The following PIP5K1B variants were observed in gnomAD, a reference collection of about 807,000 sequenced individuals.
The protein encoded by PIP5K1B is phosphatidylinositol-4-phosphate 5-kinase type 1 beta.
A neutral mutation model predicts 67.0 loss-of-function variants in PIP5K1B; 42 were observed. That is an observed-to-expected ratio of 0.63 (90% CI 0.49 to 0.81). PIP5K1B has a LOEUF of 0.81. Among genes scored for constraint, PIP5K1B ranks in the 30% least tolerant of loss-of-function variants. PIP5K1B has a pLI of 0.00. For synonymous variants in PIP5K1B, 214 were observed against 231.4 expected, an observed-to-expected ratio of 0.92 and a Z score of 0.68; for missense variants, 459 against 646.3, an observed-to-expected ratio of 0.71 and a Z score of 3.14.
intron 14 of PIP5K1B, 80 bp downstream of exon 14, chr9:68,940,870 G>T (rs1030474628): frequency 4.8e-5 from 62 of 1,294,374 alleles, no homozygotes; most frequent in Non-Finnish European, 6.3e-5. Context: ...TCTGAATGAG[G>T]ACACGTCTCT....
chr9:68,860,955 T>C lies in PIP5K1B; in HGVS notation c.70-2882T>C, dbSNP rs144612864. Among the ~76,000 whole-genome samples the C allele has an allele frequency of 3.0e-4, 45 of 152,330 alleles. No homozygotes were observed. In the East Asian group the frequency reaches 7.7e-3, roughly 26 times the overall value. Reference sequence around the variant, plus strand: ...TGCCTACCTCATACAGTCGTGAGGATAAAAGGCTTAATATAACCAGAAAGC... The same window carrying C: ...TGCCTACCTCATACAGTCGTGAGGACAAAAGGCTTAATATAACCAGAAAGC... On this transcript the variant is annotated intron_variant, in intron 4 of 15. Transcript: ENST00000265382.
chr9:68,798,895 T>A (rs1361341622), intron 2 of PIP5K1B, among the ~76,000 whole-genome samples: 2 of 152,088 alleles, frequency 1.3e-5, no homozygotes, highest in African/African-American at 4.8e-5. Flanking sequence ...GAACAAAAGA[T>A]GGTTTTGAGA....
intron 1 of PIP5K1B, among the ~76,000 whole-genome samples, chr9:68,725,002 TA>T (rs1050667894): frequency 1.3e-5 from 2 of 151,492 alleles, no homozygotes; most frequent in African/African-American, 2.4e-5. Context: ...ATTTCTGACT[TA>T]AAAAAAAAGT....
At chr9:68,901,539 G>A (rs1341610113) in intron 8 of PIP5K1B, among the ~76,000 whole-genome samples, 5 of 152,214 alleles carry the variant, frequency 3.3e-5, no homozygotes, top group Non-Finnish European at 5.9e-5. Flanking sequence ...GATTACAGGT[G>A]TGAAGCACCA....
rs141713983 is a variant in PIP5K1B, at chr9:68,880,136, T to C, written c.318+3342T>C. Among the ~76,000 whole-genome samples, 644 of 152,298 alleles carry C rather than the reference T, an allele frequency of 4.2e-3. 3 individuals carry two copies. Among genetic ancestry groups the C allele is most frequent in the African/African-American group, 0.014 (591 of 41,558 alleles). On this transcript the variant is annotated intron_variant, in intron 6 of 15. Transcript: ENST00000265382. ...GGTTGGAGGTCTAGAAGAAACAAGA[T>C]TGGCCATGAGTTGATCATTGATTGA...
intron 1 of PIP5K1B, among the ~76,000 whole-genome samples, chr9:68,733,688 G>A (rs904252116): frequency 1.5e-5 from 2 of 129,872 alleles, no homozygotes; most frequent in Non-Finnish European, 3.1e-5. Context: ...CGCCCAGGCT[G>A]GAGTGCAGTG....
At chr9:68,968,713 A>ATTTT (rs146620576) in intron 14 of PIP5K1B, among the ~76,000 whole-genome samples, 27 of 142,912 alleles carry the variant, frequency 1.9e-4, no homozygotes, top group African/African-American at 6.3e-4. Context: ...ATATATATAT[A>ATTTT]TATTTTTTTT....
chr9:68,911,409 A>G (rs1411336091), intron 8 of PIP5K1B, among the ~76,000 whole-genome samples: 1 of 151,940 alleles, frequency 6.6e-6, no homozygotes, highest in Non-Finnish European at 1.5e-5. Flanking sequence ...GGGAAACTGA[A>G]ATTAATTCAT....
chr9:68,850,964 C>A (rs1822455586), intron 4 of PIP5K1B, among the ~76,000 whole-genome samples: 1 of 152,098 alleles, frequency 6.6e-6, no homozygotes, highest in Non-Finnish European at 1.5e-5. Flanking sequence ...AATATAACAG[C>A]TCTATCCTAA....
Position 68,928,150 on chromosome 9 carries a change from A to G in PIP5K1B, c.1201+4764A>G, listed in dbSNP as rs544224462. Among the ~76,000 whole-genome samples the G allele has an allele frequency of 2.0e-4, 31 of 152,204 alleles. 1 individual carries two copies. The highest frequency in any genetic ancestry group is 5.9e-4 in the Admixed American group (9 of 15,286). ...ACTTCTTGACTCTCACATCTGTTCT[A>G]TTGATCAATATGCCTACCCTCATAG... On this transcript the variant is annotated intron_variant, in intron 12 of 15. Coordinates refer to ENST00000265382, the MANE Select transcript of PIP5K1B (RefSeq NM_003558.4).
intron 6 of PIP5K1B, among the ~76,000 whole-genome samples, chr9:68,885,620 G>A (rs1457964920): frequency 6.6e-6 from 1 of 152,006 alleles, no homozygotes; most frequent in Admixed American, 6.6e-5. Context: ...ACTTCTAAGT[G>A]GGAGCTAAGC....
chr9:68,774,345 T>C (rs1465914030), intron 2 of PIP5K1B, among the ~76,000 whole-genome samples: 1 of 152,164 alleles, frequency 6.6e-6, no homozygotes, highest in Non-Finnish European at 1.5e-5. Context: ...ACTGTCAAGC[T>C]AGTTCTCTTC....
chr9:68,991,145 G>T lies in PIP5K1B; in HGVS notation c.1508G>T (p.Gly503Val), dbSNP rs199683175. 2.5e-6 allele frequency: 4 copies of T among 1,583,458 alleles called. No individual in the cohort carries two copies. Among genetic ancestry groups the T allele is most frequent in the Non-Finnish European group, 3.5e-6 (4 of 1,152,256 alleles). Reference sequence around the variant, plus strand: ...ATTCATCTTTATTTTTCCAGCAAAGGGTTACCTTCCAGTTCAACATTTACC... The same window carrying T: ...ATTCATCTTTATTTTTCCAGCAAAGTGTTACCTTCCAGTTCAACATTTACC... ...DRPTLYSNSKGLPSSSTFTLE... is the reference protein window; with the variant it reads ...DRPTLYSNSKVLPSSSTFTLE... The change falls in exon 15 of 16, where the codon GGG becomes GTG. Residue 503 changes from glycine to valine, a missense_variant. Physicochemically the swap from Gly to Val is moderately radical, Grantham distance 109. Around this residue, in one of 2 missense-constraint regions of PIP5K1B, gnomAD observed 169 missense variants for 171.9 expected, o/e 0.98. Coordinates refer to ENST00000265382, the MANE Select transcript of PIP5K1B (RefSeq NM_003558.4).
chr9:68,789,176 C>G (rs1831814028), intron 2 of PIP5K1B: 2 of 554,620 alleles, frequency 3.6e-6, no homozygotes, highest in African/African-American at 3.8e-5. Context: ...GCACCATTGA[C>G]AGTTATCCAG....
intron 14 of PIP5K1B, among the ~76,000 whole-genome samples, chr9:68,978,093 A>T (rs1484374010): frequency 6.6e-6 from 1 of 152,240 alleles, no homozygotes; most frequent in Non-Finnish European, 1.5e-5. Flanking sequence ...TGATTACCAC[A>T]TCAAGCCAAT....
At chr9:68,779,724 C>G (rs1163566661) in intron 2 of PIP5K1B, among the ~76,000 whole-genome samples, 4 of 152,176 alleles carry the variant, frequency 2.6e-5, no homozygotes, top group African/African-American at 4.8e-5. Context: ...CCCACTTCTT[C>G]AGATTTCAGG....
At chr9:68,737,351 A>G (rs1184824197) in intron 1 of PIP5K1B, among the ~76,000 whole-genome samples, 1 of 152,166 alleles carries the variant, frequency 6.6e-6, no homozygotes, top group Non-Finnish European at 1.5e-5. Flanking sequence ...TTTTAGTTGT[A>G]TCTGGAGCTA....
At chr9:68,975,555 C>T (rs1331071132) in intron 14 of PIP5K1B, among the ~76,000 whole-genome samples, 1 of 152,136 alleles carries the variant, frequency 6.6e-6, no homozygotes, top group East Asian at 1.9e-4. Flanking sequence ...AGCCTATTTG[C>T]CGAGGCCAGC....
At chr9:68,822,769 G>A (rs2132073010) in intron 4 of PIP5K1B, 86 bp downstream of exon 4, 1 of 910,464 alleles carries the variant, frequency 1.1e-6, no homozygotes, top group East Asian at 2.5e-5. Context: ...CTTCTCCCAA[G>A]CAGTTGTAAG....
Sources: gnomAD v4.1 joint callset for allele counts (sites outside exome capture counted in the v4.1 genomes callset) on GRCh38, gnomAD v4.1.1 for gene constraint, gnomAD v4.1.1 regional missense constraint, MANE v1.5 for transcripts, NCBI Gene and HGNC (gene_info 2026-07-23, HGNC 2026-07-21) for gene names.